Variants in EXOC2 observed in about 807,000 individuals in gnomAD.
The protein encoded by EXOC2 is exocyst complex component 2.
EXOC2 carries 70 observed loss-of-function variants against 131.8 expected under a neutral mutation model. The observed-to-expected ratio is 0.53, with a 90% CI of 0.44 to 0.65. EXOC2 has a LOEUF of 0.65. Ranked by LOEUF, EXOC2 falls within the 30% of genes least tolerant of loss-of-function variation. EXOC2 has a pLI of 0.00. For synonymous variants in EXOC2, 411 were observed against 398.4 expected (o/e 1.03, Z -0.38); for missense variants, 923 against 1,108.6 (o/e 0.83, Z 2.38).
At chr6:688,169 G>A (rs1353994706) in intron 1 of EXOC2, among the ~76,000 whole-genome samples, 2 of 152,190 alleles carry the variant, frequency 1.3e-5, no homozygotes, top group Non-Finnish European at 2.9e-5. Flanking sequence ...CTAAGAGTGT[G>A]TGTAAATGAT....
intron 27 of EXOC2, among the ~76,000 whole-genome samples, chr6:488,322 A>C (rs1763212183): frequency 6.6e-6 from 1 of 152,170 alleles, no homozygotes; most frequent in South Asian, 2.1e-4. Context: ...AGCCACGTGC[A>C]GGGCGGGTGG....
intron 13 of EXOC2, among the ~76,000 whole-genome samples, chr6:567,093 A>G (rs1758006074): frequency 6.6e-6 from 1 of 152,088 alleles, no homozygotes; most frequent in East Asian, 1.9e-4. Flanking sequence ...TTTCCCCCAC[A>G]TTTGTCCCCA....
At chr6:654,221 C>T (rs954789011) in intron 1 of EXOC2, among the ~76,000 whole-genome samples, 1 of 152,186 alleles carries the variant, frequency 6.6e-6, no homozygotes, top group African/African-American at 2.4e-5. Context: ...GTAATTTCAT[C>T]TTGCAAGTCT....
intron 6 of EXOC2, among the ~76,000 whole-genome samples, chr6:615,459 A>C (rs966243943): frequency 1.3e-5 from 2 of 152,218 alleles, no homozygotes; most frequent in Admixed American, 6.5e-5. Context: ...AAATGACACC[A>C]CAAGGAAGTC....
intron 1 of EXOC2, among the ~76,000 whole-genome samples, chr6:682,325 G>T (rs13198877): frequency 6.7e-6 from 1 of 150,026 alleles, no homozygotes; most frequent in Non-Finnish European, 1.5e-5. Context: ...TCAGCCTCCC[G>T]AATAGCTGGG....
chr6:682,327 A>G (rs1184859863), intron 1 of EXOC2, among the ~76,000 whole-genome samples: 3 of 151,498 alleles, frequency 2.0e-5, no homozygotes, highest in Non-Finnish European at 2.9e-5. Flanking sequence ...AGCCTCCCGA[A>G]TAGCTGGGAC....
At chr6:619,571 T>A (rs368263569) in intron 4 of EXOC2, 28 bp from the exon 5 acceptor site, 213 of 1,516,910 alleles carry the variant, frequency 1.4e-4, no homozygotes, top group Non-Finnish European at 1.8e-4. Context: ...TTAAAATATA[T>A]TTCAATGGTT....
At chr6:549,346 C>T (rs539306091) in intron 21 of EXOC2, 55 bp from the exon 22 acceptor site, 1 of 1,237,138 alleles carries the variant, frequency 8.1e-7, no homozygotes, top group Admixed American at 1.8e-5. Flanking sequence ...GAGAGAATAG[C>T]TGATTAACAC....
chr6:524,129 T>G (rs1765624491), intron 23 of EXOC2: 1 of 152,022 alleles, frequency 6.6e-6, no homozygotes, highest in African/African-American at 2.4e-5. Flanking sequence ...ATATGCTGAG[T>G]GGAAAGAAAA....
At chr6:642,256 C>T (rs1303672575) in intron 1 of EXOC2, among the ~76,000 whole-genome samples, 2 of 152,180 alleles carry the variant, frequency 1.3e-5, no homozygotes, top group African/African-American at 4.8e-5. Flanking sequence ...TTAATATTCA[C>T]TGTGTTAAAT....
intron 1 of EXOC2, chr6:656,482 C>G: frequency 1.2e-6 from 2 of 1,609,762 alleles, no homozygotes; most frequent in Non-Finnish European, 1.7e-6. Context: ...CGGATGCTCG[C>G]GTCGGAGGCG....
intron 1 of EXOC2, among the ~76,000 whole-genome samples, chr6:650,263 C>T (rs1045163104): frequency 3.3e-5 from 5 of 152,104 alleles, no homozygotes; most frequent in African/African-American, 4.8e-5. Context: ...GAAATAAAAA[C>T]GCTTGTTCAC....
At chr6:503,608 C>T (rs1244410408) in intron 23 of EXOC2, among the ~76,000 whole-genome samples, 2 of 152,178 alleles carry the variant, frequency 1.3e-5, no homozygotes, top group Non-Finnish European at 2.9e-5. Flanking sequence ...AAAATTTATA[C>T]TTCAATTTAA....
At chr6:614,375 T>G (rs1747586) in intron 6 of EXOC2, among the ~76,000 whole-genome samples, 119,192 of 152,174 alleles carry the variant, frequency 0.78, 46,877 homozygotes, top group Middle Eastern at 0.92. Context: ...CATGTGTGTG[T>G]CACGGACTGT....
At chr6:489,814 T>C (rs1341577113) in intron 26 of EXOC2, among the ~76,000 whole-genome samples, 1 of 152,032 alleles carries the variant, frequency 6.6e-6, no homozygotes, top group African/African-American at 2.4e-5. Context: ...ACATCCTCAA[T>C]CTACCAGGAA....
intron 22 of EXOC2, among the ~76,000 whole-genome samples, chr6:548,386 C>T (rs1257562853): frequency 1.3e-5 from 2 of 152,158 alleles, no homozygotes; most frequent in Non-Finnish European, 2.9e-5. Flanking sequence ...GAAAACTGTA[C>T]TGACATTAAA....
chr6:589,278 C>T (rs993754988), intron 11 of EXOC2, among the ~76,000 whole-genome samples: 31 of 151,506 alleles, frequency 2.0e-4, no homozygotes, highest in Non-Finnish European at 3.5e-4. Context: ...AGCACCCGCA[C>T]GGTGTCTGGA....
rs183006886 is a variant in EXOC2 at position 531,360 on chromosome 6, G to T, written c.2380+1109C>A. 4.3e-5 allele frequency among the ~76,000 whole-genome samples: 4 copies of T among 93,376 alleles called. No homozygotes were observed. The Admixed American group carries it at 4.3e-4, about 10-fold the overall frequency. 61.3% of individuals were successfully genotyped at this position (93,376 alleles called of 152,430 possible). On this transcript the variant is annotated intron_variant, in intron 23 of 27. Transcript: ENST00000230449. Reference sequence around the variant, plus strand: ...CTTAAACTTTAAAAGGATGTACTTTGAGGGTATGAACTGAATGTGGTTTGG... The same window carrying T: ...CTTAAACTTTAAAAGGATGTACTTTTAGGGTATGAACTGAATGTGGTTTGG...
intron 1 of EXOC2, chr6:669,175 G>C (rs1454826886): frequency 6.6e-6 from 1 of 152,252 alleles, no homozygotes; most frequent in East Asian, 1.9e-4. Context: ...GTGAAATGCA[G>C]CGAGCACAGC....
Sources: allele counts gnomAD v4.1 joint callset (sites outside exome capture counted in the v4.1 genomes callset), GRCh38; gene constraint gnomAD v4.1.1; transcripts MANE v1.5; gene names NCBI Gene and HGNC (gene_info 2026-07-23, HGNC 2026-07-21).